The following FBXL2 variants were observed in gnomAD, a reference collection of about 807,000 sequenced individuals.
FBXL2 encodes F-box/LRR-repeat protein 2.
In FBXL2, 38 loss-of-function variants were observed where a neutral mutation model predicts 69.2. That is an observed-to-expected ratio of 0.55 (90% confidence interval 0.42 to 0.72). FBXL2 has a LOEUF of 0.72. FBXL2 is among the 30% of genes least tolerant of loss of function. FBXL2 has a pLI of 0.00. For synonymous variants in FBXL2, 192 were observed against 201.3 expected, an observed-to-expected ratio of 0.95 and a Z score of 0.39; for missense variants, 354 against 520.3, an observed-to-expected ratio of 0.68 and a Z score of 3.11.
the FBXL2 span, among the ~76,000 whole-genome samples, chr3:33,421,307 G>C: frequency 4.1e-3 from 625 of 151,748 alleles, 6 homozygotes; most frequent in African/African-American, 0.014. Context: ...TGCAGGGGGC[G>C]GGGGCGGGGG....
At chr3:33,422,623 G>A in the FBXL2 span, among the ~76,000 whole-genome samples, 3 of 151,888 alleles carry the variant, frequency 2.0e-5, no homozygotes, top group Admixed American at 2.0e-4. Context: ...TACTCAGGAG[G>A]CTAGGGTGGG....
chr3:33,328,730 T>G (rs1559549374), intron 2 of FBXL2, among the ~76,000 whole-genome samples: 1 of 152,032 alleles, frequency 6.6e-6, no homozygotes, highest in Non-Finnish European at 1.5e-5. Context: ...CACCTGTAAT[T>G]GTGAAACTTC....
intron 2 of FBXL2, among the ~76,000 whole-genome samples, chr3:33,331,399 T>A (rs2039151469): frequency 6.6e-6 from 1 of 151,990 alleles, no homozygotes; most frequent in South Asian, 2.1e-4. Flanking sequence ...AGAAAGGAGA[T>A]GAGGTCTTTG....
chr3:33,301,646 C>T (rs1420117702), intron 2 of FBXL2, among the ~76,000 whole-genome samples: 1 of 151,990 alleles, frequency 6.6e-6, no homozygotes, highest in Non-Finnish European at 1.5e-5. Flanking sequence ...TTTTAAAATC[C>T]AGCTCTTGCT....
intron 5 of FBXL2, among the ~76,000 whole-genome samples, chr3:33,365,062 C>T (rs1042665378): frequency 3.3e-5 from 5 of 152,158 alleles, no homozygotes; most frequent in Admixed American, 1.3e-4. Flanking sequence ...TTCTTCACTT[C>T]GGCATCTTCC....
intron 2 of FBXL2, among the ~76,000 whole-genome samples, chr3:33,307,041 T>C (rs1347007150): frequency 1.3e-5 from 2 of 152,090 alleles, no homozygotes; most frequent in Admixed American, 1.3e-4. Context: ...ATGAGATATA[T>C]AAAGGTATGA....
chr3:33,412,375 A>G, the FBXL2 span, among the ~76,000 whole-genome samples: 25 of 152,086 alleles, frequency 1.6e-4, 2 homozygotes, highest in South Asian at 4.1e-3. Context: ...ACATACATAC[A>G]TATATATGTA....
chr3:33,373,725 C>T, intron 8 of FBXL2, 21 bp downstream of exon 8: 1 of 1,614,094 alleles, frequency 6.2e-7, no homozygotes, highest in Non-Finnish European at 8.5e-7. Flanking sequence ...GTTGATACAG[C>T]TGTTTGTGTT....
chr3:33,371,305 C>T (rs1236520237), intron 5 of FBXL2, among the ~76,000 whole-genome samples: 6 of 151,192 alleles, frequency 4.0e-5, no homozygotes, highest in African/African-American at 1.5e-4. Context: ...GCTGGAACTA[C>T]AGGCATGTGC....
At chr3:33,310,250 C>A (rs543501906) in intron 2 of FBXL2, among the ~76,000 whole-genome samples, 1 of 152,146 alleles carries the variant, frequency 6.6e-6, no homozygotes, top group Admixed American at 6.5e-5. Context: ...CTCCTGGGTT[C>A]AAGCAATTCT....
chr3:33,348,520 G>A (rs1032316902), intron 2 of FBXL2, among the ~76,000 whole-genome samples: 14 of 151,958 alleles, frequency 9.2e-5, no homozygotes, highest in African/African-American at 3.4e-4. Context: ...ATAAATTTTA[G>A]GATTATTTTT....
In FBXL2 at chr3:33,295,731, A is replaced by G. The variant is rs550659259; in HGVS notation, c.4-1933A>G. Among the ~76,000 whole-genome samples the G allele has an allele frequency of 2.0e-5, 3 of 152,334 alleles. No individual in the cohort carries two copies. In the South Asian group the frequency reaches 6.2e-4, roughly 32 times the overall value. On this transcript the variant is annotated intron_variant, in intron 1 of 14. Transcript: ENST00000484457. ...TGTATGAGAGTTCCAGTTTCTCCAC[A>G]TGTTCACCATTACTTATTAGTATCT...
chr3:33,290,477 C>T (rs1366400333), intron 1 of FBXL2, among the ~76,000 whole-genome samples: 1 of 152,076 alleles, frequency 6.6e-6, no homozygotes, highest in African/African-American at 2.4e-5. Flanking sequence ...AGTGATGGCC[C>T]AGATGTTGAA....
At chr3:33,320,595 C>G (rs1003713598) in intron 2 of FBXL2, among the ~76,000 whole-genome samples, 1 of 151,964 alleles carries the variant, frequency 6.6e-6, no homozygotes, top group Non-Finnish European at 1.5e-5. Context: ...ATTCTCCTGC[C>G]TCAGCGTCCT....
intron 5 of FBXL2, among the ~76,000 whole-genome samples, chr3:33,367,644 T>C (rs1344941738): frequency 3.9e-5 from 6 of 152,108 alleles, no homozygotes; most frequent in African/African-American, 1.4e-4. Flanking sequence ...TTTATTGATA[T>C]TCTCAAAGAA....
rs1165448001 is a variant in FBXL2 at position 33,280,539 on chromosome 3, C to G, written c.3+3024C>G. ...GTCTGGGCAACATGGTGAGACCCAT[C>G]TCTACTAAAAATTTGAAAAATTAGC... On this transcript the variant is annotated intron_variant, in intron 1 of 14. Transcript: ENST00000484457. Among the ~76,000 whole-genome samples, 4 of 151,906 alleles carry G rather than the reference C, an allele frequency of 2.6e-5. No homozygotes were observed. In the East Asian group the frequency reaches 7.8e-4, roughly 29 times the overall value.
intron 2 of FBXL2, among the ~76,000 whole-genome samples, chr3:33,354,291 A>C (rs1053077157): frequency 6.6e-6 from 1 of 152,082 alleles, no homozygotes; most frequent in African/African-American, 2.4e-5. Context: ...AGGCGGGTGG[A>C]TCACCTGAGG....
At chr3:33,362,722 T>C (rs995941585) in intron 4 of FBXL2, among the ~76,000 whole-genome samples, 4 of 152,014 alleles carry the variant, frequency 2.6e-5, no homozygotes, top group Non-Finnish European at 5.9e-5. Context: ...ATAATAAAAT[T>C]TAAAAAAATG....
At chr3:33,391,008 A>G (rs1460016994), downstream of FBXL2, 2 of 152,572 alleles carry the variant, frequency 1.3e-5, no homozygotes, top group Non-Finnish European at 2.9e-5. Flanking sequence ...AAACTATGCA[A>G]TTATAGTATA....
Sources: allele counts gnomAD v4.1 joint callset (sites outside exome capture counted in the v4.1 genomes callset), GRCh38; gene constraint gnomAD v4.1.1; transcripts MANE v1.5; gene names NCBI Gene and HGNC (gene_info 2026-07-23, HGNC 2026-07-21).